Variants in IGSF11 observed in about 807,000 individuals in gnomAD.
The protein encoded by IGSF11 is immunoglobulin superfamily member 11.
In IGSF11, 22 loss-of-function variants were observed where a neutral mutation model predicts 41.0. That is an observed-to-expected ratio of 0.54 (90% CI 0.38 to 0.77). The LOEUF (loss-of-function observed/expected upper bound fraction) is 0.77, where lower values mean the gene tolerates loss of function less well. Ranked by LOEUF, IGSF11 falls within the 30% of genes least tolerant of loss-of-function variation. The pLI is 0.00. For synonymous variants in IGSF11, 219 were observed against 201.3 expected (o/e 1.09, Z -0.74); for missense variants, 444 against 530.8 (o/e 0.84, Z 1.61).
upstream of IGSF11, among the ~76,000 whole-genome samples, chr3:119,106,326 T>A (rs1337610962): frequency 6.6e-6 from 1 of 152,188 alleles, no homozygotes; most frequent in Non-Finnish European, 1.5e-5. Context: ...CTATTTTTTG[T>A]ACCCATTAAC....
chr3:119,105,241 T>C (rs1186264311), upstream of IGSF11: 3 of 1,229,484 alleles, frequency 2.4e-6, no homozygotes, highest in Non-Finnish European at 2.4e-6. Context: ...AGAGACTTTA[T>C]GTCATCATAA....
At chr3:119,009,675 A>G (rs559237752) in intron 1 of IGSF11, among the ~76,000 whole-genome samples, 2 of 152,332 alleles carry the variant, frequency 1.3e-5, no homozygotes, top group South Asian at 4.1e-4. Flanking sequence ...TGTGAGAACG[A>G]ATACAATGAT....
chr3:119,035,910 C>G (rs1374929117), upstream of IGSF11, among the ~76,000 whole-genome samples: 1 of 152,154 alleles, frequency 6.6e-6, no homozygotes, highest in Non-Finnish European at 1.5e-5. Context: ...GAGCCCTCAT[C>G]TGGCAAATAC....
intron 1 of IGSF11, among the ~76,000 whole-genome samples, chr3:119,008,274 G>T (rs552141730): frequency 1.1e-4 from 16 of 152,250 alleles, no homozygotes; most frequent in African/African-American, 3.9e-4. Flanking sequence ...AATATACCAA[G>T]AGATCATCCA....
At chr3:118,935,399 C>CACAT (rs1307295245) in intron 1 of IGSF11, among the ~76,000 whole-genome samples, 14 of 140,688 alleles carry the variant, frequency 1.0e-4, no homozygotes, top group African/African-American at 3.6e-4. Context: ...CACACACATA[C>CACAT]ACACACACAT....
chr3:119,104,709 T>C (rs1371603537), intron 1 of IGSF11, among the ~76,000 whole-genome samples: 1 of 152,156 alleles, frequency 6.6e-6, no homozygotes, highest in African/African-American at 2.4e-5. Flanking sequence ...TCCAAAGGCC[T>C]TAGAACAACA....
At chr3:119,019,841 G>C (rs986988797) in intron 1 of IGSF11, among the ~76,000 whole-genome samples, 5 of 152,116 alleles carry the variant, frequency 3.3e-5, no homozygotes, top group Non-Finnish European at 7.4e-5. Context: ...GATTGCTATA[G>C]ACTGAATGTT....
chr3:119,127,997 A>G (rs568148973), intron 1 of IGSF11, among the ~76,000 whole-genome samples: 1 of 152,348 alleles, frequency 6.6e-6, no homozygotes, highest in African/African-American at 2.4e-5. Context: ...TGCATCAACT[A>G]GTGTGCAAAA....
At position 118,973,140 on chromosome 3, in the gene IGSF11, C is replaced by T. The variant is rs538313542; in HGVS notation, c.53-42865G>A. On this transcript the variant is annotated intron_variant, in intron 1 of 6. Coordinates refer to ENST00000393775, the MANE Select transcript of IGSF11 (RefSeq NM_001015887.3). Reference sequence around the variant, plus strand: ...CCAGGATCTCTCATCCAGGGATATGCCCCGCCCAGCAGGGAGCAGAGCTTG... The same window carrying T: ...CCAGGATCTCTCATCCAGGGATATGTCCCGCCCAGCAGGGAGCAGAGCTTG... Among the ~76,000 whole-genome samples the T allele has an allele frequency of 6.6e-5, 10 of 152,334 alleles. No homozygotes were observed. The South Asian group carries it at 2.1e-3, about 32-fold the overall frequency.
chr3:119,077,573 T>C (rs1373140481), intron 1 of IGSF11, among the ~76,000 whole-genome samples: 2 of 152,086 alleles, frequency 1.3e-5, no homozygotes, highest in Non-Finnish European at 2.9e-5. Flanking sequence ...ACCAACATCA[T>C]ACTGAATGGG....
chr3:119,112,107 CA>C (rs1374504697), intron 1 of IGSF11, among the ~76,000 whole-genome samples: 2 of 152,168 alleles, frequency 1.3e-5, no homozygotes, highest in Non-Finnish European at 2.9e-5. Flanking sequence ...CTGGGAGAAC[CA>C]CTGCTCTCTT....
chr3:118,996,747 TTG>T (rs1936307296), intron 1 of IGSF11, among the ~76,000 whole-genome samples: 1 of 152,096 alleles, frequency 6.6e-6, no homozygotes, highest in Admixed American at 6.6e-5. Flanking sequence ...CCACAGGTGC[TTG>T]CCACAATGCC....
chr3:119,093,528 CG>C (rs1448133118), intron 1 of IGSF11, among the ~76,000 whole-genome samples: 1 of 152,110 alleles, frequency 6.6e-6, no homozygotes. Flanking sequence ...TTAATAACCA[CG>C]AGGTATCTTC....
intron 1 of IGSF11, among the ~76,000 whole-genome samples, chr3:119,120,361 G>A (rs2077315991): frequency 1.3e-5 from 2 of 152,182 alleles, no homozygotes; most frequent in South Asian, 2.1e-4. Flanking sequence ...TCTTTGTCTG[G>A]GGTATATACC....
At chr3:118,980,476 T>A (rs1934600008) in intron 1 of IGSF11, among the ~76,000 whole-genome samples, 1 of 152,150 alleles carries the variant, frequency 6.6e-6, no homozygotes, top group Non-Finnish European at 1.5e-5. Flanking sequence ...GTTGATCATA[T>A]GGAGGTAAAG....
At chr3:118,947,889 TG>T (rs1337020810) in intron 1 of IGSF11, 5 of 152,256 alleles carry the variant, frequency 3.3e-5, no homozygotes, top group Non-Finnish European at 7.3e-5. Flanking sequence ...CAACTTTTGT[TG>T]GTAAGGTTTA....
At chr3:118,987,226 A>C (rs905613119) in intron 1 of IGSF11, among the ~76,000 whole-genome samples, 14 of 152,222 alleles carry the variant, frequency 9.2e-5, no homozygotes, top group African/African-American at 3.1e-4. Context: ...GCAAAATAGA[A>C]TGCCTAACTA....
At chr3:118,975,507 A>G (rs1222045119) in intron 1 of IGSF11, among the ~76,000 whole-genome samples, 1 of 152,232 alleles carries the variant, frequency 6.6e-6, no homozygotes. Context: ...ATTTGAGCCT[A>G]AAAGTCTCTA....
At chr3:118,938,060 T>C (rs1943413317) in intron 1 of IGSF11, among the ~76,000 whole-genome samples, 1 of 151,682 alleles carries the variant, frequency 6.6e-6, no homozygotes. Flanking sequence ...TGTGTGTGTG[T>C]GTACATATGC....
Sources: allele counts gnomAD v4.1 joint callset (sites outside exome capture counted in the v4.1 genomes callset), GRCh38; gene constraint gnomAD v4.1.1; transcripts MANE v1.5; gene names NCBI Gene and HGNC (gene_info 2026-07-23, HGNC 2026-07-21).